The following VIPAS39 variants were observed in gnomAD, a reference collection of about 807,000 sequenced individuals.
The protein encoded by VIPAS39 is spermatogenesis-defective protein 39 homolog.
A neutral mutation model predicts 84.7 loss-of-function variants in VIPAS39; 63 were observed. The ratio of observed to expected loss-of-function variants is 0.74; its 90% CI spans 0.61 to 0.92. VIPAS39 has a LOEUF of 0.92. Ranked by LOEUF, VIPAS39 falls within the 40% of genes least tolerant of loss-of-function variation. The pLI is 0.00. For missense variants in VIPAS39, 499 were observed against 604.5 expected, an observed-to-expected ratio of 0.83 and a Z score of 1.83; for synonymous variants, 192 against 216.5, an observed-to-expected ratio of 0.89 and a Z score of 0.99.
chr14:77,455,501 C>T (rs562473850), intron 1 of VIPAS39, among the ~76,000 whole-genome samples: 4 of 152,160 alleles, frequency 2.6e-5, no homozygotes, highest in African/African-American at 7.2e-5. Flanking sequence ...AATAAGGAAA[C>T]AGAATTACAA....
At chr14:77,452,559 C>T (rs944751766) in intron 3 of VIPAS39, among the ~76,000 whole-genome samples, 14 of 151,960 alleles carry the variant, frequency 9.2e-5, no homozygotes, top group African/African-American at 3.1e-4. Context: ...GCAGGCGGAT[C>T]ACTTGAGGTC....
intron 6 of VIPAS39, among the ~76,000 whole-genome samples, 183 bp downstream of exon 6, chr14:77,449,110 T>C (rs934107519): frequency 6.6e-6 from 1 of 152,108 alleles, no homozygotes. Context: ...TAAGTCTAAG[T>C]TGCACCCTTT....
intron 13 of VIPAS39, 33 bp downstream of exon 13, chr14:77,435,811 T>C (rs1273006364): frequency 1.2e-6 from 2 of 1,611,672 alleles, no homozygotes; most frequent in Non-Finnish European, 1.7e-6. Context: ...GCCTTGGCAC[T>C]GAAGCAAAAG....
At chr14:77,428,703 C>T (rs1332367631) in intron 18 of VIPAS39, among the ~76,000 whole-genome samples, 1 of 152,204 alleles carries the variant, frequency 6.6e-6, no homozygotes, top group African/African-American at 2.4e-5. Context: ...AGTGGGATAA[C>T]AGTGGGGTCC....
In VIPAS39 at chr14:77,442,416, T is replaced by C. The variant is rs909090834; in HGVS notation, c.734+144A>G. On this transcript the variant is annotated intron_variant, in intron 10 of 19. Coordinates refer to ENST00000557658, the MANE Select transcript of VIPAS39 (RefSeq NM_001193315.2). Reference sequence around the variant, plus strand: ...CTTATCATAAGCTATGCTGTACTGCTAGTTATCCCCTCACACTTCAATAGC... The same window carrying C: ...CTTATCATAAGCTATGCTGTACTGCCAGTTATCCCCTCACACTTCAATAGC... The C allele has an allele frequency of 5.2e-6, 4 of 770,986 alleles. No individual in the cohort carries two copies. The East Asian group carries it at 7.4e-5, about 14-fold the overall frequency. 47.8% of individuals were successfully genotyped at this position (770,986 alleles called of 1,614,324 possible). A position where few individuals can be genotyped will look rare whatever the true frequency, so the allele number is the denominator to read the frequency against.
chr14:77,429,112 T>C lies in VIPAS39; in HGVS notation c.1267-17A>G. The C allele has an allele frequency of 1.2e-6, 2 of 1,608,626 alleles. No individual in the cohort carries two copies. The highest frequency in any genetic ancestry group is 1.7e-6 in the Non-Finnish European group (2 of 1,175,494). On this transcript the variant is annotated splice_polypyrimidine_tract_variant and intron_variant, in intron 17 of 19. Coordinates refer to ENST00000557658, the MANE Select transcript of VIPAS39 (RefSeq NM_001193315.2). ...CTGTAATATCTGTGGGAAGAGGTAC[T>C]TCCGATTAATGATTCAAACACCCAT...
rs765966459 is a variant in VIPAS39, at chr14:77,429,102, G to A, written c.1267-7C>T. The A allele has an allele frequency of 9.3e-6, 15 of 1,612,708 alleles. No individual in the cohort carries two copies. The South Asian group carries it at 1.1e-4, about 12-fold the overall frequency. On this transcript the variant is annotated splice_region_variant and splice_polypyrimidine_tract_variant and intron_variant, in intron 17 of 19. Coordinates refer to ENST00000557658, the MANE Select transcript of VIPAS39 (RefSeq NM_001193315.2). ...TGACATACTCCTGTAATATCTGTGG[G>A]AAGAGGTACTTCCGATTAATGATTC...
rs35983631 is a variant in VIPAS39 at position 77,444,041 on chromosome 14, C to CAA, written c.597+206_597+207dup. Among the ~76,000 whole-genome samples the CAA allele has an allele frequency of 8.1e-3, 1,029 of 127,818 alleles. 20 individuals carry two copies. The highest frequency in any genetic ancestry group is 0.01 in the Admixed American group (127 of 12,308). 83.9% of individuals were successfully genotyped at this position (127,818 alleles called of 152,430 possible). A position where few individuals can be genotyped will look rare whatever the true frequency, so the allele number is the denominator to read the frequency against. On this transcript the variant is annotated intron_variant, in intron 8 of 19. Transcript: ENST00000557658. ...GGGCAACAGAGCAAGACCCTGTCTC[C>CAA]AAAAAAAAAAAAAAACAGGGTTCCA...
intron 1 of VIPAS39, among the ~76,000 whole-genome samples, chr14:77,454,338 C>T (rs1174011220): frequency 6.6e-6 from 1 of 152,096 alleles, no homozygotes; most frequent in African/African-American, 2.4e-5. Flanking sequence ...TAAGAGCATC[C>T]ACTTTGTCCA....
Position 77,434,289 on chromosome 14 carries a change from A to G in VIPAS39, c.1062T>C (p.Ser354=). The G allele has an allele frequency of 6.2e-7, 1 of 1,614,160 alleles. No individual in the cohort carries two copies. The highest frequency in any genetic ancestry group is 8.5e-7 in the Non-Finnish European group (1 of 1,180,014). ...TAAATGTCTTCTTCAGGTTGACGGG[A>G]CTGCTGAATGTCCCCTAGGATGAAA... is the stretch of plus-strand genomic sequence containing the variant. ...HYTEAEGTFS[S]PVNLKKTFKI... is the part of the protein sequence containing the mutation. The change falls in exon 15 of 20, where the codon AGT becomes AGC. Residue 354 remains serine, a synonymous_variant. Coordinates refer to ENST00000557658, the MANE Select transcript of VIPAS39 (RefSeq NM_001193315.2).
At chr14:77,437,150 G>A (rs769588348) in intron 12 of VIPAS39, among the ~76,000 whole-genome samples, 25 of 152,322 alleles carry the variant, frequency 1.6e-4, no homozygotes, top group Non-Finnish European at 2.9e-4. Flanking sequence ...AAACAACCAT[G>A]AGTACTGAAC....
chr14:77,433,988 G>A lies in VIPAS39; in HGVS notation c.1090-57C>T. On this transcript the variant is annotated intron_variant, in intron 15 of 19. Coordinates refer to ENST00000557658, the MANE Select transcript of VIPAS39 (RefSeq NM_001193315.2). ...GAAGTAGAAATACATCAATGGGGGT[G>A]CTTAAGAATTTTAGAAAAGACAGAC... The A allele has an allele frequency of 2.6e-6, 4 of 1,547,608 alleles. No individual in the cohort carries two copies. In the South Asian group the frequency reaches 3.4e-5, roughly 13 times the overall value.
intron 16 of VIPAS39, among the ~76,000 whole-genome samples, chr14:77,430,291 TTAAA>T (rs1215825455): frequency 1.3e-5 from 2 of 152,330 alleles, no homozygotes; most frequent in Admixed American, 1.3e-4. Context: ...ATATAACTAA[TTAAA>T]TAATTAACAA....
At chr14:77,448,680 A>ATACCCGCTCCTC in intron 6 of VIPAS39, 130 bp from the exon 7 acceptor site, 1 of 976,164 alleles carries the variant, frequency 1.0e-6, no homozygotes, top group South Asian at 1.4e-5. Context: ...TGGATGTGAA[A>ATACCCGCTCCTC]AAAATGAAGA....
At chr14:77,456,833 C>T (rs1258998947) in intron 1 of VIPAS39, among the ~76,000 whole-genome samples, 1 of 152,110 alleles carries the variant, frequency 6.6e-6, no homozygotes, top group Non-Finnish European at 1.5e-5. Context: ...GCTAGGTTTA[C>T]TTGGCAAGTA....
Position 77,441,093 on chromosome 14 carries a change from C to T in VIPAS39, c.735G>A (p.Arg245=). The T allele has an allele frequency of 1.2e-6, 2 of 1,611,660 alleles. No individual in the cohort carries two copies. The highest frequency in any genetic ancestry group is 1.7e-6 in the Non-Finnish European group (2 of 1,179,610). Residue 245 remains arginine, a splice_region_variant and synonymous_variant, in exon 11 of 20, where the codon AGG becomes AGA. Coordinates refer to ENST00000557658, the MANE Select transcript of VIPAS39 (RefSeq NM_001193315.2). The part of the protein sequence containing the change: ...GDQKLLLDLF[R]FLDRTEELAL... The stretch of plus-strand genomic sequence containing the variant: ...CAAGCTCTTCTGTTCTATCTAGGAA[C>T]CTGGGAAGAAGCAGAAGGGAGCAGG...
intron 16 of VIPAS39, among the ~76,000 whole-genome samples, chr14:77,432,944 G>A (rs560193966): frequency 1.3e-5 from 2 of 152,052 alleles, no homozygotes; most frequent in African/African-American, 4.8e-5. Context: ...TGGCATGACT[G>A]TATAATCATT....
rs1244728408 is a variant in VIPAS39 at position 77,457,481 on chromosome 14, T to TA, written c.-1+13_-1+14insT. 1.5e-6 allele frequency: 2 copies of TA among 1,321,370 alleles called. No individual in the cohort carries two copies. Among genetic ancestry groups the TA allele is most frequent in the Admixed American group, 2.0e-5 (1 of 49,732 alleles). 81.9% of individuals were successfully genotyped at this position (1,321,370 alleles called of 1,614,324 possible). A position where few individuals can be genotyped will look rare whatever the true frequency, so the allele number is the denominator to read the frequency against. ...AGCCAGATACGCGACCCAAGGGGCT[T>TA]GGGACACCCTCACCTCTTCCGCACA... On this transcript the variant is annotated intron_variant, in intron 1 of 19. Transcript: ENST00000557658.
rs1482122085 is a variant in VIPAS39, at chr14:77,429,529, C to T, written c.1266+152G>A. 4.1e-5 allele frequency: 34 copies of T among 826,600 alleles called. No individual in the cohort carries two copies. The Admixed American group carries it at 5.9e-4, about 14-fold the overall frequency. The allele number at this position is 826,600 out of a possible 1,614,324, so 51.2% of individuals were successfully genotyped here. Reference sequence around the variant, plus strand: ...GGAGAAAGGGAGAGAATTTCACTCCCTGGCCTTTTCTGTCTTGAGGCCTAT... The same window carrying T: ...GGAGAAAGGGAGAGAATTTCACTCCTTGGCCTTTTCTGTCTTGAGGCCTAT... On this transcript the variant is annotated intron_variant, in intron 17 of 19. Transcript: ENST00000557658.
Sources: gnomAD v4.1 joint callset for allele counts (sites outside exome capture counted in the v4.1 genomes callset) on GRCh38, gnomAD v4.1.1 for gene constraint, MANE v1.5 for transcripts, NCBI Gene and HGNC (gene_info 2026-07-23, HGNC 2026-07-21) for gene names.